Variants in CCNH observed in about 807,000 individuals in gnomAD.
CCNH encodes cyclin-H.
Under a neutral mutation model 41.9 loss-of-function variants are expected in CCNH, and 31 were observed. The ratio of observed to expected loss-of-function variants is 0.74; its 90% CI spans 0.56 to 1.00. CCNH has a LOEUF of 1.00. CCNH is among the 50% of genes least tolerant of loss of function. The probability of loss-of-function intolerance (pLI) is 0.00; values close to 1 mark genes in which losing one functional copy is unlikely to be tolerated. For synonymous variants in CCNH, 138 were observed against 136.1 expected (o/e 1.01, Z -0.10); for missense variants, 362 against 388.4 (o/e 0.93, Z 0.57).
intron 9 of CCNH, among the ~76,000 whole-genome samples, chr5:87,370,439 A>AT (rs1399414236): frequency 6.6e-6 from 1 of 152,166 alleles, no homozygotes; most frequent in Non-Finnish European, 1.5e-5. Flanking sequence ...AAGAAATAAT[A>AT]TTTTTTAAAA....
At chr5:87,404,474 GTT>G (rs2112568589) in intron 5 of CCNH, among the ~76,000 whole-genome samples, 1 of 152,252 alleles carries the variant, frequency 6.6e-6, no homozygotes, top group African/African-American at 2.4e-5. Flanking sequence ...GCTTCAGTTA[GTT>G]AACAATATTT....
downstream of CCNH, among the ~76,000 whole-genome samples, chr5:87,315,364 G>T (rs745391982): frequency 1.3e-5 from 2 of 152,144 alleles, no homozygotes; most frequent in Non-Finnish European, 2.9e-5. Context: ...GCCAGCTCAG[G>T]TCTCTCCTTC....
chr5:87,369,767 C>G (rs757576539), intron 9 of CCNH: 1 of 1,356,598 alleles, frequency 7.4e-7, no homozygotes, highest in Non-Finnish European at 1.0e-6. Flanking sequence ...AAATATTTTG[C>G]TACTTTTTAT....
At chr5:87,387,891 A>C (rs984220892), downstream of CCNH, among the ~76,000 whole-genome samples, 1 of 152,176 alleles carries the variant, frequency 6.6e-6, no homozygotes, top group South Asian at 2.1e-4. Flanking sequence ...TTTTTACTAT[A>C]ATGTTTAAGG....
intron 9 of CCNH, among the ~76,000 whole-genome samples, chr5:87,368,899 A>G (rs1028229856): frequency 6.6e-6 from 1 of 152,086 alleles, no homozygotes; most frequent in Non-Finnish European, 1.5e-5. Flanking sequence ...TCTGTTTTGT[A>G]TTACTATTTT....
At chr5:87,389,369 T>A (rs767517006), downstream of CCNH, 1 of 1,613,548 alleles carries the variant, frequency 6.2e-7, no homozygotes, top group South Asian at 1.1e-5. Context: ...TATTTCTAAA[T>A]GCAATTTTAC....
downstream of CCNH, among the ~76,000 whole-genome samples, chr5:87,387,573 G>A (rs1012114847): frequency 6.6e-6 from 1 of 152,142 alleles, no homozygotes; most frequent in African/African-American, 2.4e-5. Context: ...GAAGGTGCAT[G>A]TACATGTGAA....
chr5:87,344,407 T>TA (rs1425999006), intron 9 of CCNH, among the ~76,000 whole-genome samples: 1 of 152,172 alleles, frequency 6.6e-6, no homozygotes, highest in Non-Finnish European at 1.5e-5. Flanking sequence ...TAGCAGAGCC[T>TA]AAAAAATGAT....
At chr5:87,397,821 A>G (rs1176745675) in intron 7 of CCNH, among the ~76,000 whole-genome samples, 2 of 152,256 alleles carry the variant, frequency 1.3e-5, no homozygotes, top group African/African-American at 2.4e-5. Flanking sequence ...TTAAAGAGAC[A>G]GTAAATATTT....
At chr5:87,365,511 AAC>A (rs1760447292) in intron 9 of CCNH, among the ~76,000 whole-genome samples, 1 of 152,124 alleles carries the variant, frequency 6.6e-6, no homozygotes, top group Non-Finnish European at 1.5e-5. Context: ...TTTTTCGATT[AAC>A]AGAGAAGTTA....
At chr5:87,366,286 T>C in intron 9 of CCNH, 1 of 335,334 alleles carries the variant, frequency 3.0e-6, no homozygotes, top group Non-Finnish European at 6.2e-6. Flanking sequence ...TTAAGATGAA[T>C]ATTGCAATAT....
chr5:87,359,995 T>C (rs1759951542), intron 9 of CCNH, among the ~76,000 whole-genome samples: 1 of 152,198 alleles, frequency 6.6e-6, no homozygotes, highest in Non-Finnish European at 1.5e-5. Context: ...CAGATACTTG[T>C]CTAATAAGTT....
At chr5:87,368,868 G>T (rs1331135602) in intron 9 of CCNH, among the ~76,000 whole-genome samples, 1 of 152,124 alleles carries the variant, frequency 6.6e-6, no homozygotes, top group African/African-American at 2.4e-5. Flanking sequence ...TTGTTCTCCA[G>T]TGCTTTCAAA....
chr5:87,357,244 A>C (rs185212505), intron 9 of CCNH, among the ~76,000 whole-genome samples: 2 of 151,992 alleles, frequency 1.3e-5, no homozygotes, highest in East Asian at 3.9e-4. Flanking sequence ...ATAAATATAT[A>C]TATGTTTTAT....
chr5:87,402,773 C>A (rs939140102), intron 5 of CCNH, among the ~76,000 whole-genome samples: 2 of 152,068 alleles, frequency 1.3e-5, no homozygotes, highest in African/African-American at 4.8e-5. Flanking sequence ...TTTTTCCTTT[C>A]CCTCTCCTAC....
At chr5:87,396,637 CAAAA>C (rs560190979) in intron 7 of CCNH, among the ~76,000 whole-genome samples, 124 of 151,508 alleles carry the variant, frequency 8.2e-4, no homozygotes, top group African/African-American at 2.2e-3. Flanking sequence ...AACAAACAAA[CAAAA>C]AAGCCAGAAA....
chr5:87,378,805 T>G (rs553387752), upstream of CCNH, among the ~76,000 whole-genome samples: 20 of 152,272 alleles, frequency 1.3e-4, no homozygotes, highest in Admixed American at 5.9e-4. Flanking sequence ...GTACTAATAA[T>G]CTATATACTA....
chr5:87,348,233 T>A (rs551589104), intron 9 of CCNH, among the ~76,000 whole-genome samples: 38 of 152,166 alleles, frequency 2.5e-4, no homozygotes, highest in African/African-American at 8.9e-4. Flanking sequence ...TTTTTTTCTT[T>A]TTACTGAACA....
At chr5:87,329,295 A>AG (rs1376728119) in intron 9 of CCNH, among the ~76,000 whole-genome samples, 1 of 150,328 alleles carries the variant, frequency 6.7e-6, no homozygotes, top group Non-Finnish European at 1.5e-5. Flanking sequence ...AAAAAAAAAA[A>AG]GCTGGATGTG....
Sources: gnomAD v4.1 joint callset for allele counts (sites outside exome capture counted in the v4.1 genomes callset) on GRCh38, gnomAD v4.1.1 for gene constraint, MANE v1.5 for transcripts, NCBI Gene and HGNC (gene_info 2026-07-23, HGNC 2026-07-21) for gene names.